Variants in DIPK1A observed in about 807,000 individuals in gnomAD.
The protein encoded by DIPK1A is divergent protein kinase domain 1A.
DIPK1A carries 27 observed loss-of-function variants against 40.8 expected under a neutral mutation model. The ratio of observed to expected loss-of-function variants is 0.66; its 90% confidence interval spans 0.49 to 0.91. The LOEUF (loss-of-function observed/expected upper bound fraction) is 0.91. Among genes scored for constraint, DIPK1A ranks in the 40% least tolerant of loss-of-function variants. DIPK1A has a pLI of 0.00. For synonymous variants in DIPK1A, 166 were observed against 171.3 expected, an observed-to-expected ratio of 0.97 and a Z score of 0.24; for missense variants, 412 against 505.7, an observed-to-expected ratio of 0.81 and a Z score of 1.78.
chr1:92,961,075 G>T (rs1226792541), intron 1 of DIPK1A, among the ~76,000 whole-genome samples: 2 of 152,106 alleles, frequency 1.3e-5, no homozygotes, highest in African/African-American at 2.4e-5. Context: ...GCGCGGGGTC[G>T]TACCCAGGTC....
chr1:92,915,337 TGAGC>T (rs889248262), intron 1 of DIPK1A, among the ~76,000 whole-genome samples: 1 of 152,176 alleles, frequency 6.6e-6, no homozygotes, highest in African/African-American at 2.4e-5. Flanking sequence ...TTCAGATCCA[TGAGC>T]GAGTAGTTTA....
At chr1:92,840,840 C>G, downstream of DIPK1A, 1 of 699,518 alleles carries the variant, frequency 1.4e-6, no homozygotes, top group Non-Finnish European at 2.7e-6. Context: ...TTCTTTCTAT[C>G]CTAGTACAGT....
At chr1:92,910,601 ATAATT>A (rs1649792047) in intron 1 of DIPK1A, among the ~76,000 whole-genome samples, 2 of 151,784 alleles carry the variant, frequency 1.3e-5, no homozygotes, top group South Asian at 4.1e-4. Flanking sequence ...TCCTTTATAA[ATAATT>A]TAATAATAAA....
chr1:92,878,018 C>T (rs1043771360), intron 1 of DIPK1A, among the ~76,000 whole-genome samples: 2 of 152,214 alleles, frequency 1.3e-5, no homozygotes, highest in African/African-American at 4.8e-5. Flanking sequence ...ATCTTCTTTT[C>T]GGACTTGCCA....
intron 4 of DIPK1A, among the ~76,000 whole-genome samples, chr1:92,846,863 GTA>G (rs796888125): frequency 0.058 from 92 of 1,600 alleles, 28 homozygotes; most frequent in African/African-American, 0.22. Context: ...ATATATGTGT[GTA>G]TATATATATA....
At chr1:92,892,527 C>T (rs1026516721) in intron 1 of DIPK1A, among the ~76,000 whole-genome samples, 28 of 151,960 alleles carry the variant, frequency 1.8e-4, no homozygotes, top group Non-Finnish European at 2.6e-4. Flanking sequence ...AGACCAAAGG[C>T]AGATAAAACC....
intron 1 of DIPK1A, among the ~76,000 whole-genome samples, chr1:92,898,332 T>A (rs544970652): frequency 1.4e-4 from 22 of 152,148 alleles, no homozygotes; most frequent in African/African-American, 5.3e-4. Context: ...AGATCTCACA[T>A]GAACTCAGAG....
At chr1:92,834,687 A>G (rs576792738) in intron 4 of DIPK1A, 2 of 1,529,522 alleles carry the variant, frequency 1.3e-6, no homozygotes, top group Admixed American at 1.7e-5. Context: ...ATCTGTGTCC[A>G]TCAATGTTTT....
intron 2 of DIPK1A, 147 bp downstream of exon 2, chr1:92,876,149 T>C (rs1305226864): frequency 4.2e-6 from 2 of 475,064 alleles, no homozygotes; most frequent in Admixed American, 4.4e-5. Context: ...ACTTTACTAA[T>C]GGGTCATGTC....
intron 1 of DIPK1A, among the ~76,000 whole-genome samples, chr1:92,940,428 C>T (rs1175156729): frequency 1.3e-5 from 2 of 152,146 alleles, no homozygotes; most frequent in Non-Finnish European, 2.9e-5. Flanking sequence ...CTTACTAGTG[C>T]CATATTTTAT....
rs987780520 is a variant in DIPK1A at position 92,835,133 on chromosome 1, A to G, written c.475-2099T>C. The G allele has an allele frequency of 1.6e-5, 10 of 614,630 alleles. No individual in the cohort carries two copies. In the East Asian group the frequency reaches 2.9e-4, roughly 18 times the overall value. 38.1% of individuals were successfully genotyped at this position (614,630 alleles called of 1,614,324 possible). On this transcript the variant is annotated intron_variant, in intron 4 of 4. Coordinates refer to the DIPK1A transcript ENST00000615519. ...TAATTTGCTGTCCAGTGGTTTTGCC[A>G]CTAGCGACCTGCAGCTGTTGAGTTC...
intron 4 of DIPK1A, 28 bp from the exon 5 acceptor site, chr1:92,844,223 A>C (rs1557447784): frequency 1.4e-6 from 2 of 1,425,802 alleles, no homozygotes; most frequent in Non-Finnish European, 9.6e-7. Flanking sequence ...AGTTACACAG[A>C]AGGAATGAAA....
chr1:92,934,920 TACTTACTAGCGTC>T (rs1038533341), intron 1 of DIPK1A, among the ~76,000 whole-genome samples: 21 of 152,186 alleles, frequency 1.4e-4, no homozygotes, highest in Non-Finnish European at 2.5e-4. Context: ...GGCCTGTGGT[TACTTACTAGCGTC>T]AAGATGAAGA....
intron 4 of DIPK1A, chr1:92,836,505 TATGCCTAGGTACC>T (rs1264086516): frequency 1.1e-6 from 1 of 918,986 alleles, no homozygotes; most frequent in Non-Finnish European, 1.8e-6. Flanking sequence ...ATGCCTGCTG[TATGCCTAGGTACC>T]ATGCAGGAGG....
chr1:92,873,514 C>A (rs1330953161), intron 2 of DIPK1A, among the ~76,000 whole-genome samples: 2 of 151,440 alleles, frequency 1.3e-5, no homozygotes, highest in Non-Finnish European at 2.9e-5. Flanking sequence ...ACTTGGGAGG[C>A]TGAGGCAGGA....
intron 1 of DIPK1A, among the ~76,000 whole-genome samples, chr1:92,924,842 GTCATGTC>G (rs1485858846): frequency 6.6e-6 from 1 of 152,208 alleles, no homozygotes; most frequent in Admixed American, 6.5e-5. Flanking sequence ...TGCTGAGTTG[GTCATGTC>G]CCATGGGCCT....
intron 1 of DIPK1A, among the ~76,000 whole-genome samples, chr1:92,900,700 A>C (rs1245443722): frequency 2.0e-5 from 3 of 152,078 alleles, no homozygotes; most frequent in African/African-American, 7.2e-5. Flanking sequence ...CCTGAGGCCC[A>C]AATCTTCAGA....
intron 1 of DIPK1A, among the ~76,000 whole-genome samples, chr1:92,956,101 T>C (rs994507223): frequency 1.3e-5 from 2 of 152,080 alleles, no homozygotes; most frequent in African/African-American, 4.8e-5. Flanking sequence ...GCTATTCATG[T>C]GTCAGGACAA....
chr1:92,890,157 A>G (rs1370001313), intron 1 of DIPK1A, among the ~76,000 whole-genome samples: 1 of 152,016 alleles, frequency 6.6e-6, no homozygotes, highest in East Asian at 1.9e-4. Flanking sequence ...ATTTTTGTAT[A>G]TTGATTTTGT....
Sources: gnomAD v4.1 joint callset for allele counts (sites outside exome capture counted in the v4.1 genomes callset) on GRCh38, gnomAD v4.1.1 for gene constraint, MANE v1.5 for transcripts, NCBI Gene and HGNC (gene_info 2026-07-23, HGNC 2026-07-21) for gene names.